Variants in ACLY observed in about 807,000 individuals in gnomAD.
ACLY encodes the protein ATP-citrate synthase.
Under a neutral mutation model 133.0 loss-of-function variants are expected in ACLY, and 41 were observed. That is an observed-to-expected ratio of 0.31 (90% CI 0.24 to 0.40). The LOEUF is 0.40. ACLY is among the 10% of genes least tolerant of loss of function. The pLI is 1.00. For missense variants in ACLY, 1,046 were observed against 1,453.8 expected, an observed-to-expected ratio of 0.72 and a Z score of 4.56; for synonymous variants, 495 against 549.3, an observed-to-expected ratio of 0.90 and a Z score of 1.38.
At position 41,869,200 on chromosome 17, in the gene ACLY, T is replaced by C. The variant is rs3744779; in HGVS notation, c.3052-75A>G. 979,644 of 1,280,772 alleles carry C rather than the reference T, an allele frequency of 0.76. 377,033 individuals carry two copies. Among genetic ancestry groups the C allele is most frequent in the Admixed American group, 0.87 (50,078 of 57,440 alleles). The allele number at this position is 1,280,772 out of a possible 1,614,324, so 79.3% of individuals were successfully genotyped here. A position where few individuals can be genotyped will look rare whatever the true frequency, so the allele number is the denominator to read the frequency against. On this transcript the variant is annotated intron_variant, in intron 26 of 28. Coordinates refer to ENST00000352035, the MANE Select transcript of ACLY (RefSeq NM_001096.3). ...CTTCATAATTTTCCACTGTCACTAC[T>C]ATTACTACGAATTGTGACCATCATT...
At chr17:41,921,832 G>A (rs2050187151), upstream of ACLY, among the ~76,000 whole-genome samples, 1 of 152,014 alleles carries the variant, frequency 6.6e-6, no homozygotes, top group Non-Finnish European at 1.5e-5. Flanking sequence ...AGGCATGGTG[G>A]CACACACCTG....
chr17:41,892,956 GGCATGA>G (rs2049255997), intron 15 of ACLY, 71 bp downstream of exon 15: 1 of 1,546,840 alleles, frequency 6.5e-7, no homozygotes, highest in Non-Finnish European at 8.8e-7. Flanking sequence ...TAGGATTACA[GGCATGA>G]GCCACTGTGC....
chr17:41,919,791 T>G (rs1403264523), upstream of ACLY, among the ~76,000 whole-genome samples: 1 of 152,226 alleles, frequency 6.6e-6, no homozygotes, highest in African/African-American at 2.4e-5. Context: ...CTCCATTACC[T>G]GAGACAGATC....
intron 14 of ACLY, among the ~76,000 whole-genome samples, chr17:41,895,469 G>A (rs4458050): frequency 6.6e-6 from 1 of 152,014 alleles, no homozygotes; most frequent in Non-Finnish European, 1.5e-5. Flanking sequence ...AGAGGCTCCA[G>A]AGAGAACCTC....
intron 22 of ACLY, among the ~76,000 whole-genome samples, chr17:41,874,852 C>T (rs997366980): frequency 2.0e-5 from 3 of 147,156 alleles, no homozygotes; most frequent in African/African-American, 7.6e-5. Flanking sequence ...GGATTACAGG[C>T]GTGAGCCACT....
At chr17:41,873,103 T>G (rs1369291445) in intron 23 of ACLY, among the ~76,000 whole-genome samples, 1 of 151,862 alleles carries the variant, frequency 6.6e-6, no homozygotes, top group Non-Finnish European at 1.5e-5. Context: ...GATTGGGAGT[T>G]GCAGAGAAAA....
At chr17:41,874,629 A>G (rs2048685486) in intron 22 of ACLY, among the ~76,000 whole-genome samples, 1 of 146,324 alleles carries the variant, frequency 6.8e-6, no homozygotes. Context: ...GCTGGAGTGC[A>G]GTGGTACGAT....
At position 41,905,671 on chromosome 17, in the gene ACLY, C is replaced by G. The variant is rs782040761; in HGVS notation, c.867-13G>C. On this transcript the variant is annotated splice_polypyrimidine_tract_variant and intron_variant, in intron 8 of 28. Coordinates refer to ENST00000352035, the MANE Select transcript of ACLY (RefSeq NM_001096.3). ...ACAGATGGTATCGCTGCCAAGGAGA[C>G]AGAAGTCAGTGATGGCTCTCACACT... 10 of 1,614,010 alleles carry G rather than the reference C, an allele frequency of 6.2e-6. No homozygotes were observed. The highest frequency in any genetic ancestry group is 1.6e-4 in the Middle Eastern group (1 of 6,082).
chr17:41,884,403 C>A, intron 18 of ACLY, 129 bp from the exon 19 acceptor site: 1 of 634,256 alleles, frequency 1.6e-6, no homozygotes, highest in Non-Finnish European at 2.9e-6. Flanking sequence ...AGTAAGGGTC[C>A]AGAGATGCCC....
chr17:41,909,225 G>A (rs2049819865), intron 5 of ACLY, among the ~76,000 whole-genome samples, 157 bp from the exon 6 acceptor site: 1 of 152,124 alleles, frequency 6.6e-6, no homozygotes, highest in Admixed American at 6.6e-5. Flanking sequence ...CCTGCTCCCT[G>A]GACATAGCTC....
chr17:41,870,444 T>C (rs41275671), intron 25 of ACLY: 2,115 of 152,210 alleles, frequency 0.014, 26 homozygotes, highest in Non-Finnish European at 0.02. Context: ...GCCTAGAAGG[T>C]GGTGTCCTGA....
Position 41,867,143 on chromosome 17 carries a change from ATG to A in ACLY, c.*665_*666del, listed in dbSNP as rs1338146764. 2.0e-5 allele frequency: 3 copies of A among 152,778 alleles called. No homozygotes were observed. Among genetic ancestry groups the A allele is most frequent in the African/African-American group, 7.2e-5 (3 of 41,570 alleles). The allele number at this position is 152,778 out of a possible 1,614,324, so 9.5% of individuals were successfully genotyped here. A position where few individuals can be genotyped will look rare whatever the true frequency, so the allele number is the denominator to read the frequency against. On this transcript the variant is annotated 3_prime_UTR_variant, in exon 29 of 29. Coordinates refer to ENST00000352035, the MANE Select transcript of ACLY (RefSeq NM_001096.3). ...CTGCATTTCCATTTTAAATGTATGT[ATG>A]TTACAACTTTACATATTAAGTTACT... is the stretch of plus-strand genomic sequence containing the variant.
chr17:41,893,203 C>A (rs1555629728), intron 14 of ACLY, 29 bp from the exon 15 acceptor site: 2 of 1,598,848 alleles, frequency 1.3e-6, no homozygotes, highest in South Asian at 1.1e-5. Context: ...GAGAGTGCAC[C>A]CAGAACACAT....
chr17:41,908,705 A>T (rs1328470203), intron 6 of ACLY, among the ~76,000 whole-genome samples: 1 of 152,198 alleles, frequency 6.6e-6, no homozygotes, highest in Non-Finnish European at 1.5e-5. Context: ...CGGAGATTGC[A>T]GTGAGCTGAG....
chr17:41,892,608 GC>G (rs1178109503), intron 15 of ACLY, among the ~76,000 whole-genome samples, 161 bp from the exon 16 acceptor site: 1 of 151,982 alleles, frequency 6.6e-6, no homozygotes, highest in African/African-American at 2.4e-5. Flanking sequence ...AATACTGACT[GC>G]CTCTGTCTCT....
In ACLY at chr17:41,872,178, G is replaced by A; in HGVS notation, c.2647C>T (p.Pro883Ser). The A allele has an allele frequency of 6.2e-7, 1 of 1,613,106 alleles. No homozygotes were observed. The highest frequency in any genetic ancestry group is 8.5e-7 in the Non-Finnish European group (1 of 1,179,914). Residue 883 changes from proline to serine, a missense_variant, in exon 24 of 29, where the codon CCT becomes TCT. Physicochemically the swap from Pro to Ser is moderately conservative, Grantham distance 74 (BLOSUM62 -1). This residue lies in a region of ACLY where 205 missense variants were observed against 373.3 expected (regional missense o/e 0.55). Coordinates refer to ENST00000352035, the MANE Select transcript of ACLY (RefSeq NM_001096.3). ...LGLLWFQKRLPKYSCQFIEMC... is the reference protein window; with the variant it reads ...LGLLWFQKRLSKYSCQFIEMC... ...TCAATGAACTGGCAAGAGTACTTAG[G>A]CAACCTGGAGTGGGGGGAACAAAGG...
chr17:41,892,257 C>T, intron 16 of ACLY, 22 bp downstream of exon 16: 4 of 302,562 alleles, frequency 1.3e-5, no homozygotes, highest in Non-Finnish European at 1.1e-5. Flanking sequence ...CACCCCCCAC[C>T]CTCCAGAGCC....
intron 20 of ACLY, among the ~76,000 whole-genome samples, chr17:41,879,410 C>T (rs1323084380): frequency 3.4e-5 from 5 of 147,824 alleles, no homozygotes; most frequent in African/African-American, 7.4e-5. Flanking sequence ...CTGCCCCCCC[C>T]GCCTTTTTTT....
In ACLY at chr17:41,873,936, C is replaced by T. The variant is rs117473633; in HGVS notation, c.2517G>A (p.Ser839=). Residue 839 remains serine (S), a synonymous_variant, in exon 23 of 29, where the codon TCG becomes TCA. Coordinates refer to ENST00000352035, the MANE Select transcript of ACLY (RefSeq NM_001096.3). The stretch of plus-strand genomic sequence containing the variant: ...GCTCATCGCAGATGCTGGTCATGAA[C>T]GAGGCAGGTTTGCGGATCAAACCAA... ...RELGLIRKPA[S]FMTSICDERG... 302 of 1,607,252 alleles carry T rather than the reference C, an allele frequency of 1.9e-4. 2 individuals are homozygous for T. In the East Asian group the frequency reaches 6.4e-3, roughly 34 times the overall value.
Sources: gnomAD v4.1 joint callset for allele counts (sites outside exome capture counted in the v4.1 genomes callset) on GRCh38, gnomAD v4.1.1 for gene constraint, gnomAD v4.1.1 regional missense constraint, MANE v1.5 for transcripts, NCBI Gene and HGNC (gene_info 2026-07-23, HGNC 2026-07-21) for gene names.